KIAA1549L: variants seen among roughly 807,000 people sequenced by gnomAD.
KIAA1549L encodes UPF0606 protein KIAA1549L.
A neutral mutation model predicts 160.7 loss-of-function variants in KIAA1549L; 88 were observed. The ratio of observed to expected loss-of-function variants is 0.55; its 90% CI spans 0.46 to 0.65. The LOEUF (loss-of-function observed/expected upper bound fraction) is 0.65. KIAA1549L is among the 30% of genes least tolerant of loss of function. KIAA1549L has a pLI of 0.00. For missense variants in KIAA1549L, 2,258 were observed against 2,437.5 expected, an observed-to-expected ratio of 0.93 and a Z score of 1.55; for synonymous variants, 950 against 976.7, an observed-to-expected ratio of 0.97 and a Z score of 0.51.
intron 1 of KIAA1549L, among the ~76,000 whole-genome samples, chr11:33,386,905 G>A (rs925522691): frequency 1.3e-5 from 2 of 152,018 alleles, no homozygotes; most frequent in Admixed American, 6.6e-5. Flanking sequence ...TCAGGAGTTC[G>A]AGACCATCCT....
intron 1 of KIAA1549L, among the ~76,000 whole-genome samples, chr11:33,463,092 G>C (rs1417741574): frequency 6.6e-6 from 1 of 152,142 alleles, no homozygotes; most frequent in African/African-American, 2.4e-5. Context: ...GCCTGCCAAA[G>C]TACTGGGATT....
chr11:33,625,056 A>G (rs1003012243), intron 16 of KIAA1549L, among the ~76,000 whole-genome samples: 22 of 151,368 alleles, frequency 1.5e-4, no homozygotes, highest in African/African-American at 5.1e-4. Context: ...ATGATTTCCA[A>G]TTTCATCCAT....
At chr11:33,464,132 T>C (rs1851995975) in intron 1 of KIAA1549L, among the ~76,000 whole-genome samples, 1 of 152,240 alleles carries the variant, frequency 6.6e-6, no homozygotes, top group Non-Finnish European at 1.5e-5. Flanking sequence ...TTAAGTAACA[T>C]GTTCAGTATC....
intron 1 of KIAA1549L, among the ~76,000 whole-genome samples, chr11:33,530,350 C>T (rs1414978857): frequency 2.0e-5 from 3 of 146,518 alleles, no homozygotes; most frequent in Non-Finnish European, 3.0e-5. Flanking sequence ...TGCAGTGAAC[C>T]GAGTTTGCGC....
At chr11:33,398,603 T>A (rs533980491) in intron 1 of KIAA1549L, among the ~76,000 whole-genome samples, 2 of 152,210 alleles carry the variant, frequency 1.3e-5, no homozygotes, top group Non-Finnish European at 2.9e-5. Flanking sequence ...TCCCCATGGA[T>A]AGAGCTCTGC....
chr11:33,464,522 A>T (rs919886939), intron 1 of KIAA1549L, among the ~76,000 whole-genome samples: 7 of 113,570 alleles, frequency 6.2e-5, no homozygotes, highest in African/African-American at 2.3e-4. Flanking sequence ...GCGTGCGCGC[A>T]TGCCCCCCCC....
intron 1 of KIAA1549L, among the ~76,000 whole-genome samples, chr11:33,429,314 C>A (rs1011124470): frequency 6.6e-6 from 1 of 152,176 alleles, no homozygotes; most frequent in Non-Finnish European, 1.5e-5. Flanking sequence ...GGCGAATTGA[C>A]CATTTGTATA....
intron 1 of KIAA1549L, among the ~76,000 whole-genome samples, chr11:33,407,355 C>CT (rs1286136502): frequency 6.8e-6 from 1 of 147,584 alleles, no homozygotes; most frequent in African/African-American, 2.5e-5. Flanking sequence ...TTTTCTTTTT[C>CT]TTTTTTGAGA....
At chr11:33,570,606 C>T (rs1319353522) in intron 9 of KIAA1549L, among the ~76,000 whole-genome samples, 2 of 152,156 alleles carry the variant, frequency 1.3e-5, no homozygotes, top group Admixed American at 6.5e-5. Context: ...ATTCACTCTA[C>T]GTGGGTTACA....
rs140546233 is a variant in KIAA1549L, at chr11:33,583,432, C to T, written c.4497C>T (p.Ala1499=). 43 of 1,594,086 alleles carry T rather than the reference C, an allele frequency of 2.7e-5. No individual in the cohort carries two copies. Among genetic ancestry groups the T allele is most frequent in the Middle Eastern group, 1.7e-4 (1 of 6,042 alleles). ...CGGTCATCATCATCATCATCACTGC[C>T]GTGCTCTGCAGGAAGAACAAGAACG... The part of the protein sequence containing the change: ...VVTVIIIIIT[A]VLCRKNKNDF... Residue 1499 remains alanine, a synonymous_variant, in exon 11 of 21, where the codon GCC becomes GCT. Coordinates refer to ENST00000658780, the MANE Select transcript of KIAA1549L (RefSeq NM_012194.3).
intron 20 of KIAA1549L, among the ~76,000 whole-genome samples, chr11:33,664,661 A>G (rs1196377383): frequency 2.0e-5 from 3 of 152,168 alleles, no homozygotes; most frequent in Non-Finnish European, 4.4e-5. Flanking sequence ...CTGCCATGTG[A>G]GAGGATAGTG....
intron 1 of KIAA1549L, among the ~76,000 whole-genome samples, chr11:33,391,241 C>T (rs947748434): frequency 2.6e-5 from 4 of 152,186 alleles, no homozygotes; most frequent in African/African-American, 7.2e-5. Flanking sequence ...GAATTTAAGA[C>T]GTCAGACCTA....
intron 1 of KIAA1549L, among the ~76,000 whole-genome samples, chr11:33,492,457 G>A (rs1335588654): frequency 6.6e-6 from 1 of 152,164 alleles, no homozygotes; most frequent in Non-Finnish European, 1.5e-5. Flanking sequence ...GGAGTGAAGG[G>A]ACGTGAAGAC....
Position 33,598,955 on chromosome 11 carries a change from G to C in KIAA1549L, c.4879+8G>C. ...AGGCAAGGAAGAGAAATGGTGAGAA[G>C]CCTTCCCTCCAAGAACCACCCCCAG... On this transcript the variant is annotated splice_region_variant and intron_variant, in intron 13 of 20. Transcript: ENST00000658780. 6.2e-7 allele frequency: 1 copy of C among 1,612,582 alleles called. No homozygotes were observed. Among genetic ancestry groups the C allele is most frequent in the Non-Finnish European group, 8.5e-7 (1 of 1,179,482 alleles).
rs1365147392 is a variant in KIAA1549L, at chr11:33,449,922, A to G, written c.238+73033A>G. On this transcript the variant is annotated intron_variant, in intron 1 of 20. Transcript: ENST00000658780. ...GGACTCAGATTCCCACAGAAAGCAC[A>G]TGCAGGTGACAAAGTAGATGAAATC... Among the ~76,000 whole-genome samples, 5 of 152,372 alleles carry G rather than the reference A, an allele frequency of 3.3e-5. No individual in the cohort carries two copies. The East Asian group carries it at 9.6e-4, about 29-fold the overall frequency.
At chr11:33,667,649 C>A (rs1852516725) in intron 20 of KIAA1549L, among the ~76,000 whole-genome samples, 1 of 152,188 alleles carries the variant, frequency 6.6e-6, no homozygotes, top group Non-Finnish European at 1.5e-5. Context: ...CCACCTCGGA[C>A]TTCCAAAGTG....
intron 12 of KIAA1549L, among the ~76,000 whole-genome samples, chr11:33,594,644 C>T (rs1206275344): frequency 6.6e-6 from 1 of 152,200 alleles, no homozygotes; most frequent in Non-Finnish European, 1.5e-5. Context: ...CTACTGTCCT[C>T]TTGGATAAAG....
chr11:33,590,775 C>T (rs1809517904), intron 11 of KIAA1549L, among the ~76,000 whole-genome samples: 1 of 152,076 alleles, frequency 6.6e-6, no homozygotes, highest in South Asian at 2.1e-4. Context: ...AATTGAGGTT[C>T]AGAGTTCAAG....
At chr11:33,562,508 G>T (rs1302105093) in intron 8 of KIAA1549L, among the ~76,000 whole-genome samples, 2 of 151,992 alleles carry the variant, frequency 1.3e-5, no homozygotes, top group Non-Finnish European at 2.9e-5. Flanking sequence ...GGTGTTACAG[G>T]ATTGGCTTCT....
Sources: allele counts gnomAD v4.1 joint callset (sites outside exome capture counted in the v4.1 genomes callset), GRCh38; gene constraint gnomAD v4.1.1; transcripts MANE v1.5; gene names NCBI Gene and HGNC (gene_info 2026-07-23, HGNC 2026-07-21).